The following XPO1 variants were observed in gnomAD, a reference collection of about 807,000 sequenced individuals.
XPO1 encodes the protein exportin-1.
XPO1 carries 5 observed loss-of-function variants against 133.3 expected under a neutral mutation model. That is an observed-to-expected ratio of 0.04 (90% CI 0.02 to 0.08). The LOEUF is 0.08. XPO1 is among the 10% of genes least tolerant of loss of function. XPO1 has a pLI of 1.00. For synonymous variants in XPO1, 419 were observed against 408.2 expected (o/e 1.03, Z -0.32); for missense variants, 506 against 1,267.5 (o/e 0.40, Z 9.12).
upstream of XPO1, chr2:61,538,454 C>G (rs1009269024): frequency 6.5e-6 from 1 of 152,974 alleles, no homozygotes; most frequent in Non-Finnish European, 1.5e-5. Context: ...TCAATCCCGC[C>G]TCACGGCTCC....
chr2:61,532,427 G>A (rs1044946561), intron 2 of XPO1, among the ~76,000 whole-genome samples: 16 of 150,656 alleles, frequency 1.1e-4, no homozygotes, highest in Non-Finnish European at 2.1e-4. Context: ...GCGCCCGGCC[G>A]GCACTCAGTT....
At chr2:61,517,961 T>A (rs1698477784) in intron 4 of XPO1, among the ~76,000 whole-genome samples, 1 of 151,654 alleles carries the variant, frequency 6.6e-6, no homozygotes, top group Non-Finnish European at 1.5e-5. Flanking sequence ...ACCCTGTCCT[T>A]ACTAAAACAA....
At chr2:61,519,715 A>AAG (rs1698594423) in intron 4 of XPO1, among the ~76,000 whole-genome samples, 1 of 150,486 alleles carries the variant, frequency 6.6e-6, no homozygotes, top group African/African-American at 2.5e-5. Flanking sequence ...AAAAAAAAAA[A>AAG]AAAAAAAACA....
chr2:61,526,260 T>C (rs918913205), intron 3 of XPO1, 160 bp downstream of exon 3: 3 of 1,431,532 alleles, frequency 2.1e-6, no homozygotes, highest in South Asian at 1.5e-5. Context: ...TAGGACTATT[T>C]GCAAGAATTA....
chr2:61,509,836 A>G lies in XPO1; in HGVS notation c.302-7526T>C, dbSNP rs1558657675. 4.6e-5 allele frequency among the ~76,000 whole-genome samples: 7 copies of G among 152,244 alleles called. No homozygotes were observed. The South Asian group carries it at 1.4e-3, about 32-fold the overall frequency. ...TACACTATTAAAAATGTAAATTACA[A>G]ATAGGAAAAAGGCAAGTTCAATCTA... On this transcript the variant is annotated intron_variant, in intron 4 of 24. Transcript: ENST00000401558.
intron 20 of XPO1, 178 bp from the exon 21 acceptor site, chr2:61,484,283 GA>G: frequency 1.8e-6 from 1 of 557,692 alleles, no homozygotes; most frequent in Non-Finnish European, 3.1e-6. Flanking sequence ...CACGGAAAAT[GA>G]AACTGTCCCG....
chr2:61,525,815 G>C (rs775433019), intron 3 of XPO1: 7 of 1,038,770 alleles, frequency 6.7e-6, no homozygotes, highest in Non-Finnish European at 8.1e-6. Flanking sequence ...TATATCAAGT[G>C]GAAACCTTTC....
intron 4 of XPO1, among the ~76,000 whole-genome samples, chr2:61,510,455 C>T (rs746269597): frequency 6.6e-6 from 1 of 152,086 alleles, no homozygotes; most frequent in African/African-American, 2.4e-5. Context: ...AATTCTAAAG[C>T]AGGAGTTAAG....
chr2:61,524,471 T>TTCTTCA (rs1324294645), intron 3 of XPO1, among the ~76,000 whole-genome samples: 1 of 152,212 alleles, frequency 6.6e-6, no homozygotes, highest in East Asian at 1.9e-4. Context: ...TATTTCATCT[T>TTCTTCA]TCTGCCAAGG....
intron 4 of XPO1, among the ~76,000 whole-genome samples, chr2:61,510,807 T>G (rs1044372600): frequency 1.3e-5 from 2 of 152,002 alleles, no homozygotes; most frequent in Non-Finnish European, 2.9e-5. Flanking sequence ...GTATGATTCA[T>G]GCGCACGTAG....
At chr2:61,521,750 T>G (rs188115528) in intron 4 of XPO1, among the ~76,000 whole-genome samples, 17 of 152,170 alleles carry the variant, frequency 1.1e-4, no homozygotes, top group Admixed American at 3.9e-4. Flanking sequence ...TATGGTTTTT[T>G]TTGTTGTTGT....
At chr2:61,513,949 C>G (rs1213777003) in intron 4 of XPO1, among the ~76,000 whole-genome samples, 2 of 152,066 alleles carry the variant, frequency 1.3e-5, no homozygotes, top group East Asian at 1.9e-4. Context: ...CTTTGGGAGG[C>G]TGAGGCAGGT....
intron 22 of XPO1, 37 bp from the exon 23 acceptor site, chr2:61,482,576 AAT>A: frequency 6.6e-7 from 1 of 1,513,600 alleles, no homozygotes. Context: ...TCCAAAATGT[AAT>A]ATAACTATAG....
intron 16 of XPO1, among the ~76,000 whole-genome samples, chr2:61,491,452 AAAAAC>A (rs1696979682): frequency 8.4e-6 from 1 of 118,428 alleles, no homozygotes; most frequent in African/African-American, 3.4e-5. Flanking sequence ...CTCCATCTCA[AAAAAC>A]AAACACACAC....
chr2:61,502,476 G>C, intron 4 of XPO1, 166 bp from the exon 5 acceptor site: 2 of 619,586 alleles, frequency 3.2e-6, no homozygotes, highest in South Asian at 4.3e-5. Context: ...CCGGCCCGGT[G>C]CGGTGGCTCA....
intron 19 of XPO1, among the ~76,000 whole-genome samples, chr2:61,486,983 G>T (rs1409783972): frequency 6.6e-6 from 1 of 150,606 alleles, no homozygotes; most frequent in African/African-American, 2.5e-5. Flanking sequence ...GTAACTTCTT[G>T]TTCTTTTTTT....
chr2:61,482,670 A>C, intron 22 of XPO1, 131 bp from the exon 23 acceptor site: 1 of 931,712 alleles, frequency 1.1e-6, no homozygotes, highest in South Asian at 1.9e-5. Context: ...CCGTGGCGCA[A>C]TCTTAGTTCA....
intron 4 of XPO1, among the ~76,000 whole-genome samples, chr2:61,514,095 G>A (rs1020634513): frequency 2.0e-5 from 3 of 151,810 alleles, no homozygotes; most frequent in African/African-American, 7.3e-5. Context: ...ACTGAGACAG[G>A]AGAATCGCTT....
At chr2:61,518,249 C>T (rs560752758) in intron 4 of XPO1, among the ~76,000 whole-genome samples, 1 of 151,174 alleles carries the variant, frequency 6.6e-6, no homozygotes, top group South Asian at 2.1e-4. Flanking sequence ...TGAAACCCTA[C>T]ATCTTTAAAA....
Sources: gnomAD v4.1 joint callset for allele counts (sites outside exome capture counted in the v4.1 genomes callset) on GRCh38, gnomAD v4.1.1 for gene constraint, MANE v1.5 for transcripts, NCBI Gene and HGNC (gene_info 2026-07-23, HGNC 2026-07-21) for gene names.